The following ADAMTSL1 variants were observed in gnomAD, a reference collection of about 807,000 sequenced individuals.
ADAMTSL1 encodes the protein ADAMTS-like protein 1.
A neutral mutation model predicts 201.8 loss-of-function variants in ADAMTSL1; 126 were observed. That is an observed-to-expected ratio of 0.62 (90% CI 0.54 to 0.72). The LOEUF (loss-of-function observed/expected upper bound fraction) is 0.72. Ranked by LOEUF, ADAMTSL1 falls within the 30% of genes least tolerant of loss-of-function variation. ADAMTSL1 has a pLI of 0.00. For synonymous variants in ADAMTSL1, 1,121 were observed against 903.4 expected (o/e 1.24, Z -4.32); for missense variants, 2,679 against 2,277.8 (o/e 1.18, Z -3.59).
intron 15 of ADAMTSL1, among the ~76,000 whole-genome samples, chr9:18,726,594 T>C (rs1817908334): frequency 6.6e-6 from 1 of 151,886 alleles, no homozygotes; most frequent in Non-Finnish European, 1.5e-5. Context: ...AAGCAGAAAG[T>C]ACTACCTTTA....
intron 19 of ADAMTSL1, among the ~76,000 whole-genome samples, chr9:18,779,429 A>AG (rs1381225766): frequency 8.5e-5 from 13 of 152,312 alleles, no homozygotes; most frequent in African/African-American, 3.1e-4. Context: ...AGTGCTTTAA[A>AG]GGCATTATCT....
intron 2 of ADAMTSL1, among the ~76,000 whole-genome samples, chr9:18,416,991 A>C (rs114899820): frequency 6.6e-6 from 1 of 151,734 alleles, no homozygotes; most frequent in Admixed American, 6.6e-5. Context: ...TAGATGGCAC[A>C]ATTACCTCAA....
Position 18,328,320 on chromosome 9 carries a change from G to T in ADAMTSL1, c.207+164339G>T, listed in dbSNP as rs559414823. On this transcript the variant is annotated intron_variant, in intron 2 of 29. Transcript: ENST00000680146. Reference sequence around the variant, plus strand: ...TGCCTGTTATAACTCTTAACACAATGCATTATAATCAGTTATTTTCCTGTT... The same window carrying T: ...TGCCTGTTATAACTCTTAACACAATTCATTATAATCAGTTATTTTCCTGTT... 3.3e-5 allele frequency among the ~76,000 whole-genome samples: 5 copies of T among 152,272 alleles called. No homozygotes were observed. In the South Asian group the frequency reaches 1.0e-3, roughly 32 times the overall value.
intron 2 of ADAMTSL1, among the ~76,000 whole-genome samples, chr9:18,324,811 C>A (rs533053196): frequency 6.6e-6 from 1 of 151,342 alleles, no homozygotes; most frequent in East Asian, 1.9e-4. Context: ...TGTATCTTCA[C>A]CAAAAGACAC....
chr9:18,567,547 T>C (rs146585209), intron 3 of ADAMTSL1, among the ~76,000 whole-genome samples: 12 of 152,274 alleles, frequency 7.9e-5, no homozygotes, highest in African/African-American at 2.6e-4. Context: ...TTCATGGGGA[T>C]AGCAGGAGGA....
chr9:18,402,658 A>G (rs1307259164), intron 2 of ADAMTSL1, among the ~76,000 whole-genome samples: 2 of 152,022 alleles, frequency 1.3e-5, no homozygotes, highest in East Asian at 3.9e-4. Flanking sequence ...AGTACATTAA[A>G]CATGACATGC....
At chr9:17,919,595 A>C (rs1563895113) in intron 1 of ADAMTSL1, among the ~76,000 whole-genome samples, 2 of 152,022 alleles carry the variant, frequency 1.3e-5, no homozygotes. Flanking sequence ...TGACTGTCTG[A>C]TTTCACTTAA....
intron 2 of ADAMTSL1, 70 bp from the exon 3 acceptor site, chr9:18,533,177 T>A (rs192417789): frequency 1.4e-6 from 2 of 1,403,082 alleles, no homozygotes; most frequent in African/African-American, 2.9e-5. Context: ...AGCAAATTTT[T>A]ATAAGAAAAT....
intron 1 of ADAMTSL1, among the ~76,000 whole-genome samples, chr9:18,122,780 T>C (rs1204605421): frequency 6.6e-6 from 1 of 152,066 alleles, no homozygotes; most frequent in Admixed American, 6.6e-5. Context: ...CAGGTTGGTT[T>C]TTTGTTTTTG....
intron 8 of ADAMTSL1, among the ~76,000 whole-genome samples, chr9:18,657,966 A>G (rs1195832230): frequency 7.3e-6 from 1 of 137,076 alleles, no homozygotes; most frequent in East Asian, 2.2e-4. Context: ...CCATTAGAGG[A>G]AACAGTCTTT....
chr9:18,665,523 C>T (rs1004870481), intron 9 of ADAMTSL1, among the ~76,000 whole-genome samples: 2 of 152,042 alleles, frequency 1.3e-5, no homozygotes. Context: ...CAACAGCTTC[C>T]TAAATACATG....
chr9:18,241,921 A>G (rs1831080493), intron 2 of ADAMTSL1, among the ~76,000 whole-genome samples: 1 of 152,084 alleles, frequency 6.6e-6, no homozygotes, highest in Admixed American at 6.6e-5. Context: ...TCATAGTTGA[A>G]TTTTACCAAA....
chr9:18,177,775 G>C (rs1310158791), intron 2 of ADAMTSL1, among the ~76,000 whole-genome samples: 1 of 152,162 alleles, frequency 6.6e-6, no homozygotes, highest in African/African-American at 2.4e-5. Context: ...GCAAGGATTT[G>C]GTTACATACC....
At chr9:18,745,734 A>C (rs1353816408) in intron 15 of ADAMTSL1, among the ~76,000 whole-genome samples, 1 of 152,218 alleles carries the variant, frequency 6.6e-6, no homozygotes, top group Non-Finnish European at 1.5e-5. Context: ...CCATGAGTTC[A>C]TACTGTTTGC....
chr9:18,567,013 G>T (rs752793898), intron 3 of ADAMTSL1, among the ~76,000 whole-genome samples: 2 of 152,112 alleles, frequency 1.3e-5, no homozygotes, highest in Non-Finnish European at 2.9e-5. Flanking sequence ...AGCAACATTC[G>T]CATCACCTGG....
chr9:18,110,856 T>G (rs2131880694), intron 1 of ADAMTSL1, among the ~76,000 whole-genome samples: 1 of 152,030 alleles, frequency 6.6e-6, no homozygotes, highest in African/African-American at 2.4e-5. Flanking sequence ...AGAATAAGAG[T>G]CAACTGAACC....
intron 2 of ADAMTSL1, among the ~76,000 whole-genome samples, chr9:18,230,079 C>T (rs531721313): frequency 6.6e-6 from 1 of 152,142 alleles, no homozygotes; most frequent in Non-Finnish European, 1.5e-5. Flanking sequence ...AAGAATTTCC[C>T]ACCCTCAAAT....
intron 1 of ADAMTSL1, among the ~76,000 whole-genome samples, chr9:17,962,831 T>A (rs2131403060): frequency 6.6e-6 from 1 of 152,386 alleles, no homozygotes. Flanking sequence ...AGCGTGCAGT[T>A]ATTTCATGGG....
Position 18,770,652 on chromosome 9 carries a change from G to C in ADAMTSL1, c.2268G>C (p.Lys756Asn). The C allele has an allele frequency of 6.2e-7, 1 of 1,613,562 alleles. No individual in the cohort carries two copies. Among genetic ancestry groups the C allele is most frequent in the Non-Finnish European group, 8.5e-7 (1 of 1,179,764 alleles). ...TTCAGAAACGTGAGGTTCTTTGCAAGCAGCGCATGGCTGATGGCAGCTTCC... is the reference window on the plus strand; with the variant it reads ...TTCAGAAACGTGAGGTTCTTTGCAACCAGCGCATGGCTGATGGCAGCTTCC... ...GGVQKREVLC[K>N]QRMADGSFLE... Residue 756 changes from lysine (K) to asparagine (N), a missense_variant, in exon 17 of 29, where the codon AAG becomes AAC. Physicochemically the swap from Lys to Asn is moderately conservative, Grantham distance 94 (BLOSUM62 0). Coordinates refer to ENST00000380548, the MANE Select transcript of ADAMTSL1 (RefSeq NM_001040272.6).
Sources: allele counts gnomAD v4.1 joint callset (sites outside exome capture counted in the v4.1 genomes callset), GRCh38; gene constraint gnomAD v4.1.1; transcripts MANE v1.5; gene names NCBI Gene and HGNC (gene_info 2026-07-23, HGNC 2026-07-21).